SLC3A1: variants seen among roughly 807,000 people sequenced by gnomAD.
The protein encoded by SLC3A1 is amino acid transporter heavy chain SLC3A1.
SLC3A1 carries 78 observed loss-of-function variants against 60.3 expected under a neutral mutation model. That is an observed-to-expected ratio of 1.29 (90% CI 1.08 to 1.56). The LOEUF (loss-of-function observed/expected upper bound fraction) is 1.56, where lower values mean the gene tolerates loss of function less well. Ranked by LOEUF, SLC3A1 falls within the 40% of genes most tolerant of loss-of-function variation. The pLI is 0.00. For missense variants in SLC3A1, 1,172 were observed against 858.9 expected (o/e 1.36, Z -4.56); for synonymous variants, 392 against 307.9 (o/e 1.27, Z -2.86).
intron 1 of SLC3A1, 41 bp downstream of exon 1, chr2:44,276,006 G>C: frequency 6.3e-7 from 1 of 1,587,000 alleles, no homozygotes; most frequent in Non-Finnish European, 8.7e-7. Context: ...GCCAGGATGA[G>C]ATTGGTTTAT....
chr2:44,301,471 T>TGGCTCACGCCTGTAAACCCAGC, intron 6 of SLC3A1: 1 of 460,174 alleles, frequency 2.2e-6, no homozygotes, highest in Non-Finnish European at 4.0e-6. Context: ...CCGGGCACAG[T>TGGCTCACGCCTGTAAACCCAGC]GGCTCACGCC....
intron 3 of SLC3A1, among the ~76,000 whole-genome samples, chr2:44,283,739 A>G (rs1220924876): frequency 1.3e-5 from 2 of 152,224 alleles, no homozygotes; most frequent in Admixed American, 1.3e-4. Flanking sequence ...ATGTATATGT[A>G]TATGATGGAT....
At chr2:44,313,304 C>A (rs1284588814) in intron 8 of SLC3A1, among the ~76,000 whole-genome samples, 5 of 152,142 alleles carry the variant, frequency 3.3e-5, no homozygotes, top group African/African-American at 9.7e-5. Flanking sequence ...GACTATCTTG[C>A]AACTTTAATT....
chr2:44,306,826 G>A (rs532288737), intron 7 of SLC3A1, among the ~76,000 whole-genome samples: 1 of 152,016 alleles, frequency 6.6e-6, no homozygotes, highest in Non-Finnish European at 1.5e-5. Flanking sequence ...CAAAGTGCTG[G>A]GATTACAGGT....
At chr2:44,300,249 A>G (rs1228167596) in intron 5 of SLC3A1, among the ~76,000 whole-genome samples, 159 bp downstream of exon 5, 1 of 152,228 alleles carries the variant, frequency 6.6e-6, no homozygotes, top group Non-Finnish European at 1.5e-5. Context: ...AGAGTTTGAA[A>G]TGCATATGCA....
At chr2:44,317,572 T>C (rs1255149369) in intron 9 of SLC3A1, 1 of 152,280 alleles carries the variant, frequency 6.6e-6, no homozygotes, top group African/African-American at 2.4e-5. Flanking sequence ...GAAAGTTCTA[T>C]TGGCCAGCAT....
chr2:44,298,982 T>G (rs548797514), intron 4 of SLC3A1, among the ~76,000 whole-genome samples: 40 of 152,156 alleles, frequency 2.6e-4, no homozygotes, highest in African/African-American at 9.4e-4. Context: ...CATTTGTGTT[T>G]GGGATCAATT....
Position 44,321,169 on chromosome 2 carries a change from G to A in SLC3A1, c.*530G>A. 1 of 579,486 alleles carries A rather than the reference G, an allele frequency of 1.7e-6. No individual in the cohort carries two copies. The highest frequency in any genetic ancestry group is 3.1e-6 in the Non-Finnish European group (1 of 322,044). The allele number at this position is 579,486 out of a possible 1,614,324, so 35.9% of individuals were successfully genotyped here. ...TACTTTCCTAGGTTAATGGGCATGT[G>A]CATCAATGGAGAGAATAGTATAAGC... On this transcript the variant is annotated 3_prime_UTR_variant, in exon 10 of 10. Transcript: ENST00000260649.
chr2:44,321,416 C>G lies in SLC3A1; in HGVS notation c.*777C>G. 2 of 1,612,908 alleles carry G rather than the reference C, an allele frequency of 1.2e-6. No individual in the cohort carries two copies. Among genetic ancestry groups the G allele is most frequent in the Non-Finnish European group, 1.7e-6 (2 of 1,179,228 alleles). On this transcript the variant is annotated 3_prime_UTR_variant, in exon 10 of 10. Transcript: ENST00000260649. ...CACTGGTGCTGTCAAGTCCAAGTTC[C>G]TCGTACAGGAATTTAATTTGGGCTG...
Position 44,320,876 on chromosome 2 carries a change from G to A in SLC3A1, c.*237G>A, listed in dbSNP as rs1672883797. ...TATTCAGATAGCATCAATCAGGGAT[G>A]ACCAGAACACATTAGGACCCCAGAT... On this transcript the variant is annotated 3_prime_UTR_variant, in exon 10 of 10. Coordinates refer to ENST00000260649, the MANE Select transcript of SLC3A1 (RefSeq NM_000341.4). 8 of 539,960 alleles carry A rather than the reference G, an allele frequency of 1.5e-5. No homozygotes were observed. The South Asian group carries it at 1.7e-4, about 11-fold the overall frequency. The allele number at this position is 539,960 out of a possible 1,614,324, so 33.4% of individuals were successfully genotyped here. A position where few individuals can be genotyped will look rare whatever the true frequency, so the allele number is the denominator to read the frequency against.
chr2:44,303,070 G>C (rs1232083294), intron 6 of SLC3A1, among the ~76,000 whole-genome samples: 1 of 151,426 alleles, frequency 6.6e-6, no homozygotes. Context: ...GCGTGGTGGC[G>C]GGTGCCTGTA....
chr2:44,294,550 A>G (rs938164406), intron 4 of SLC3A1, among the ~76,000 whole-genome samples: 2 of 151,910 alleles, frequency 1.3e-5, no homozygotes, highest in Non-Finnish European at 2.9e-5. Flanking sequence ...TGGCAGCAAT[A>G]CCTTATTTAC....
chr2:44,312,561 GTTC>G (rs1672324090), intron 7 of SLC3A1, 22 bp from the exon 8 acceptor site: 3 of 1,612,612 alleles, frequency 1.9e-6, no homozygotes, highest in Non-Finnish European at 2.5e-6. Context: ...ATACAGCTGT[GTTC>G]TTAAAAATAT....
intron 4 of SLC3A1, among the ~76,000 whole-genome samples, chr2:44,294,188 T>C (rs991240530): frequency 6.6e-6 from 1 of 152,028 alleles, no homozygotes; most frequent in Non-Finnish European, 1.5e-5. Flanking sequence ...TGTCAAATGA[T>C]GCAGAGAGAT....
chr2:44,296,055 G>A (rs1192875822), intron 4 of SLC3A1, among the ~76,000 whole-genome samples: 1 of 152,206 alleles, frequency 6.6e-6, no homozygotes, highest in African/African-American at 2.4e-5. Context: ...TGAAGCTTAA[G>A]TTTGGTTAGC....
chr2:44,301,442 T>C, intron 6 of SLC3A1: 2 of 554,210 alleles, frequency 3.6e-6, no homozygotes, highest in Admixed American at 3.1e-5. Flanking sequence ...TTTTTTCTTT[T>C]TCAAAAACCA....
At chr2:44,303,879 C>T in intron 6 of SLC3A1, 1 of 585,070 alleles carries the variant, frequency 1.7e-6, no homozygotes, top group Non-Finnish European at 3.0e-6. Context: ...TGGTTTCCAG[C>T]TTCATCCATG....
downstream of SLC3A1, chr2:44,321,563 G>C (rs1016949997): frequency 4.0e-6 from 6 of 1,505,080 alleles, no homozygotes; most frequent in African/African-American, 7.0e-5. Flanking sequence ...TTTATGGCAA[G>C]AATACTTTCA....
chr2:44,301,354 G>A (rs909033081), intron 6 of SLC3A1: 13 of 624,186 alleles, frequency 2.1e-5, no homozygotes, highest in Non-Finnish European at 2.9e-5. Flanking sequence ...ATCACACTAC[G>A]TACTTCACAG....
Sources: gnomAD v4.1 joint callset for allele counts (sites outside exome capture counted in the v4.1 genomes callset) on GRCh38, gnomAD v4.1.1 for gene constraint, MANE v1.5 for transcripts, NCBI Gene and HGNC (gene_info 2026-07-23, HGNC 2026-07-21) for gene names.